The following PTGIS variants were observed in gnomAD, a reference collection of about 807,000 sequenced individuals.
PTGIS encodes prostaglandin I2 synthase.
A neutral mutation model predicts 50.3 loss-of-function variants in PTGIS; 45 were observed. That is an observed-to-expected ratio of 0.90 (90% confidence interval 0.70 to 1.15). The LOEUF is 1.15. Among genes scored for constraint, PTGIS ranks in the 50% most tolerant of loss-of-function variants. The pLI, the probability that PTGIS is intolerant of heterozygous loss-of-function variation, is 0.00. For synonymous variants in PTGIS, 260 were observed against 267.7 expected (o/e 0.97, Z 0.28); for missense variants, 668 against 661.3 (o/e 1.01, Z -0.11).
intron 7 of PTGIS, 77 bp from the exon 8 acceptor site, chr20:49,513,338 T>C: frequency 1.1e-5 from 17 of 1,509,684 alleles, no homozygotes; most frequent in Non-Finnish European, 1.5e-5. Context: ...GCTCTTATTT[T>C]ACAGAGGAAG....
At chr20:49,519,673 A>G (rs916947772) in intron 6 of PTGIS, among the ~76,000 whole-genome samples, 8 of 151,464 alleles carry the variant, frequency 5.3e-5, no homozygotes, top group African/African-American at 1.7e-4. Context: ...CCACTCCCCC[A>G]TCTCCATCTC....
chr20:49,526,454 G>A (rs527634867), intron 5 of PTGIS, among the ~76,000 whole-genome samples: 3 of 152,206 alleles, frequency 2.0e-5, no homozygotes, highest in Non-Finnish European at 4.4e-5. Context: ...TGTGCCTACA[G>A]CAGTTCTGAG....
In PTGIS at chr20:49,560,377, C is replaced by T. The variant is rs534288354; in HGVS notation, c.74+7666G>A. Among the ~76,000 whole-genome samples, 4 of 151,942 alleles carry T rather than the reference C, an allele frequency of 2.6e-5. No homozygotes were observed. The South Asian group carries it at 6.2e-4, about 24-fold the overall frequency. On this transcript the variant is annotated intron_variant, in intron 1 of 9. Transcript: ENST00000244043. ...TGCCATCACACCTGACTTTGTTTTTCTATTTTTTTATAGAGACAGGGTCTT... is the reference window on the plus strand; with the variant it reads ...TGCCATCACACCTGACTTTGTTTTTTTATTTTTTTATAGAGACAGGGTCTT...
At position 49,568,046 on chromosome 20, in the gene PTGIS, G is replaced by C; in HGVS notation, c.71C>G (p.Thr24Arg). Reference sequence around the variant, plus strand: ...CCGAGCGGAGCAGGACACTCACCGCGTGCGGCGGCGGCTCAGTAGCAGCAG... The same window carrying C: ...CCGAGCGGAGCAGGACACTCACCGCCTGCGGCGGCGGCTCAGTAGCAGCAG... Reference protein sequence around the residue: ...LLLLLLSRRRTRRPGEPPLDL... With the variant: ...LLLLLLSRRRRRRPGEPPLDL... The change falls in exon 1 of 10, where the codon ACG becomes AGG. Residue 24 changes from threonine to arginine, a missense_variant. Thr to Arg is a moderately conservative substitution (Grantham distance 71, BLOSUM62 -1). Coordinates refer to ENST00000244043, the MANE Select transcript of PTGIS (RefSeq NM_000961.4). 2 of 1,484,566 alleles carry C rather than the reference G, an allele frequency of 1.3e-6. No homozygotes were observed. Among genetic ancestry groups the C allele is most frequent in the Non-Finnish European group, 1.8e-6 (2 of 1,124,226 alleles). The allele number at this position is 1,484,566 out of a possible 1,614,324, so 92.0% of individuals were successfully genotyped here.
rs1443501026 is a variant in PTGIS, at chr20:49,506,961, T to C, written c.*959A>G. 6.6e-6 allele frequency: 1 copy of C among 152,106 alleles called. No individual in the cohort carries two copies. The highest frequency in any genetic ancestry group is 6.6e-5 in the Admixed American group (1 of 15,264). The allele number at this position is 152,106 out of a possible 1,614,324, so 9.4% of individuals were successfully genotyped here. ...GCCCAGTGTGGCCAGATATACCAAG[T>C]TTTCAAGAGAAGCTGGACATTTTGA... On this transcript the variant is annotated 3_prime_UTR_variant, in exon 10 of 10. Coordinates refer to ENST00000244043, the MANE Select transcript of PTGIS (RefSeq NM_000961.4).
In PTGIS at chr20:49,507,502, C is replaced by A. The variant is rs5589; in HGVS notation, c.*418G>T. On this transcript the variant is annotated 3_prime_UTR_variant, in exon 10 of 10. Coordinates refer to ENST00000244043, the MANE Select transcript of PTGIS (RefSeq NM_000961.4). Reference sequence around the variant, plus strand: ...ACAAAGGACATCCTGAGTGGCCTTTCTGTGGCCAGCATCCGCTTTGACTGG... The same window carrying A: ...ACAAAGGACATCCTGAGTGGCCTTTATGTGGCCAGCATCCGCTTTGACTGG... The A allele has an allele frequency of 1.7e-3, 530 of 312,254 alleles. No homozygotes were observed. The highest frequency in any genetic ancestry group is 0.011 in the African/African-American group (500 of 46,476). The allele number at this position is 312,254 out of a possible 1,614,324, so 19.3% of individuals were successfully genotyped here. A position where few individuals can be genotyped will look rare whatever the true frequency, so the allele number is the denominator to read the frequency against.
chr20:49,525,915 T>A (rs991907655), intron 5 of PTGIS, among the ~76,000 whole-genome samples: 2 of 152,090 alleles, frequency 1.3e-5, no homozygotes, highest in African/African-American at 4.8e-5. Context: ...GTTTTTTTTT[T>A]AAAGTATGTT....
chr20:49,521,726 A>G (rs1421186560), intron 6 of PTGIS, among the ~76,000 whole-genome samples: 1 of 152,126 alleles, frequency 6.6e-6, no homozygotes, highest in Non-Finnish European at 1.5e-5. Flanking sequence ...ATGGGAGAGG[A>G]ATTACCCAGA....
intron 1 of PTGIS, among the ~76,000 whole-genome samples, chr20:49,566,264 C>T (rs577880542): frequency 6.6e-6 from 1 of 152,218 alleles, no homozygotes; most frequent in South Asian, 2.1e-4. Flanking sequence ...GAGCCCATAA[C>T]GTATTCACAT....
At chr20:49,531,660 C>T in intron 5 of PTGIS, among the ~76,000 whole-genome samples, 1 of 152,112 alleles carries the variant, frequency 6.6e-6, no homozygotes, top group Non-Finnish European at 1.5e-5. Context: ...CAAGGTCTTG[C>T]TCTGTCACTC....
rs188462375 is a variant in PTGIS at position 49,549,397 on chromosome 20, A to T, written c.198+669T>A. 4.9e-3 allele frequency among the ~76,000 whole-genome samples: 743 copies of T among 152,360 alleles called. 30 individuals carry two copies. The highest frequency in any genetic ancestry group is 0.045 in the Admixed American group (696 of 15,300). ...ATTTTTAGGGAAGAATTACAACAAAAAAGTCTAAAAAAGTTTAGTACCAAC... is the reference window on the plus strand; with the variant it reads ...ATTTTTAGGGAAGAATTACAACAAATAAGTCTAAAAAAGTTTAGTACCAAC... On this transcript the variant is annotated intron_variant, in intron 2 of 9. Coordinates refer to ENST00000244043, the MANE Select transcript of PTGIS (RefSeq NM_000961.4).
intron 7 of PTGIS, 24 bp downstream of exon 7, chr20:49,514,203 T>C (rs1981406698): frequency 6.2e-7 from 1 of 1,612,334 alleles, no homozygotes; most frequent in Non-Finnish European, 8.5e-7. Context: ...TTAGGGGCTA[T>C]CTTGGAGGGT....
chr20:49,560,130 G>A (rs1982729957), intron 1 of PTGIS, among the ~76,000 whole-genome samples: 1 of 151,964 alleles, frequency 6.6e-6, no homozygotes, highest in South Asian at 2.1e-4. Flanking sequence ...CACCATCTTG[G>A]CCAGGCTGGT....
chr20:49,546,702 G>A (rs769312995), intron 3 of PTGIS, among the ~76,000 whole-genome samples: 5 of 152,158 alleles, frequency 3.3e-5, no homozygotes, highest in Non-Finnish European at 7.4e-5. Flanking sequence ...ACCTCTCTGA[G>A]CCTCAGTGTC....
intron 9 of PTGIS, among the ~76,000 whole-genome samples, chr20:49,510,510 G>A (rs896460984): frequency 2.6e-5 from 4 of 152,124 alleles, no homozygotes; most frequent in Non-Finnish European, 5.9e-5. Flanking sequence ...CCCAGCTTAT[G>A]ATTGCACAGG....
In PTGIS at chr20:49,550,180, A is replaced by C; in HGVS notation, c.84T>G (p.Gly28=). ...LLSRRRTRRP[G]EPPLDLGSIP... is the part of the protein sequence containing the mutation. ...TGCTGCCCAGGTCCAGGGGAGGCTC[A>C]CCAGGTCGCCTACAGAAGCCATGGC... is the stretch of plus-strand genomic sequence containing the variant. The change falls in exon 2 of 10, where the codon GGT becomes GGG. Residue 28 remains glycine, a synonymous_variant. Coordinates refer to ENST00000244043, the MANE Select transcript of PTGIS (RefSeq NM_000961.4). 3 of 1,613,074 alleles carry C rather than the reference A, an allele frequency of 1.9e-6. No homozygotes were observed. The highest frequency in any genetic ancestry group is 2.5e-6 in the Non-Finnish European group (3 of 1,180,024).
At chr20:49,538,662 CATTT>C (rs373597100) in intron 5 of PTGIS, among the ~76,000 whole-genome samples, 19,704 of 148,296 alleles carry the variant, frequency 0.13, 1,362 homozygotes, top group African/African-American at 0.16. Context: ...CTTCTCAGTG[CATTT>C]ATTTATTTAT....
chr20:49,559,048 G>C (rs894846810), intron 1 of PTGIS, among the ~76,000 whole-genome samples: 3 of 152,074 alleles, frequency 2.0e-5, no homozygotes, highest in Admixed American at 6.6e-5. Context: ...GGATGTTTAC[G>C]ATCAAGGGAA....
chr20:49,509,230 C>T (rs1193525371), intron 9 of PTGIS, among the ~76,000 whole-genome samples: 2 of 152,316 alleles, frequency 1.3e-5, no homozygotes, highest in Admixed American at 6.5e-5. Context: ...TAAGGGATGG[C>T]GGTTTTGTGC....
Sources: gnomAD v4.1 joint callset for allele counts (sites outside exome capture counted in the v4.1 genomes callset) on GRCh38, gnomAD v4.1.1 for gene constraint, MANE v1.5 for transcripts, NCBI Gene and HGNC (gene_info 2026-07-23, HGNC 2026-07-21) for gene names.